Variants in GLG1 observed in about 807,000 individuals in gnomAD.
The protein encoded by GLG1 is Golgi apparatus protein 1.
A neutral mutation model predicts 160.5 loss-of-function variants in GLG1; 38 were observed. The ratio of observed to expected loss-of-function variants is 0.24; its 90% CI spans 0.18 to 0.31. The LOEUF (loss-of-function observed/expected upper bound fraction) is 0.31. Among genes scored for constraint, GLG1 ranks in the 10% least tolerant of loss-of-function variants. GLG1 has a pLI of 1.00. For missense variants in GLG1, 1,373 were observed against 1,505.2 expected, an observed-to-expected ratio of 0.91 and a Z score of 1.45; for synonymous variants, 644 against 543.4, an observed-to-expected ratio of 1.19 and a Z score of -2.57.
At chr16:74,550,878 T>C (rs1262901250) in intron 1 of GLG1, among the ~76,000 whole-genome samples, 3 of 152,206 alleles carry the variant, frequency 2.0e-5, no homozygotes, top group Admixed American at 2.0e-4. Context: ...TGAGAGGCAG[T>C]ATCAGTGGGA....
At chr16:74,493,345 C>A (rs547761465) in intron 6 of GLG1, among the ~76,000 whole-genome samples, 1 of 152,246 alleles carries the variant, frequency 6.6e-6, no homozygotes, top group East Asian at 1.9e-4. Context: ...GGGTGGGGAA[C>A]CTAGAAATTC....
intron 1 of GLG1, among the ~76,000 whole-genome samples, chr16:74,586,155 G>A (rs1252129926): frequency 6.6e-6 from 1 of 151,572 alleles, no homozygotes; most frequent in African/African-American, 2.4e-5. Flanking sequence ...GAGCTGATAA[G>A]GAAAAAAACA....
intron 1 of GLG1, among the ~76,000 whole-genome samples, chr16:74,603,123 C>A (rs1165034484): frequency 6.6e-6 from 1 of 151,834 alleles, no homozygotes; most frequent in Non-Finnish European, 1.5e-5. Flanking sequence ...GCAGCAGCAG[C>A]AGCAGCAGCC....
At chr16:74,592,631 T>G (rs1958211699) in intron 1 of GLG1, among the ~76,000 whole-genome samples, 1 of 152,196 alleles carries the variant, frequency 6.6e-6, no homozygotes, top group Non-Finnish European at 1.5e-5. Flanking sequence ...ACTGGAGGTC[T>G]GAGAGATTAA....
In GLG1 at chr16:74,503,573, G is replaced by A. The variant is rs1243942619; in HGVS notation, c.732C>T (p.Asp244=). 1.9e-6 allele frequency: 3 copies of A among 1,613,644 alleles called. No individual in the cohort carries two copies. The highest frequency in any genetic ancestry group is 2.5e-6 in the Non-Finnish European group (3 of 1,179,624). The change falls in exon 4 of 26, where the codon GAC becomes GAT. Residue 244 remains aspartate, a synonymous_variant. Coordinates refer to ENST00000422840, the MANE Select transcript of GLG1 (RefSeq NM_001145667.2). ...TACTGCCACATTTCAGAATGTTGAT[G>A]TCATTTTTGCAGTCATCCATGAAGC... The part of the protein sequence containing the change: ...ICGFMDDCKN[D]INILKCGSIR...
At chr16:74,530,910 T>C (rs2017511752) in intron 2 of GLG1, among the ~76,000 whole-genome samples, 1 of 152,226 alleles carries the variant, frequency 6.6e-6, no homozygotes, top group African/African-American at 2.4e-5. Context: ...ATTGGACACC[T>C]TTTTCTTTTC....
At chr16:74,517,295 C>T (rs2017008100) in intron 2 of GLG1, among the ~76,000 whole-genome samples, 1 of 152,182 alleles carries the variant, frequency 6.6e-6, no homozygotes, top group Admixed American at 6.5e-5. Flanking sequence ...AGCTGAAAAT[C>T]CTCAATAAAA....
chr16:74,467,794 T>C lies in GLG1; in HGVS notation c.2491A>G (p.Lys831Glu), dbSNP rs1310333990. The change falls in exon 18 of 26, where the codon AAA becomes GAA. Residue 831 changes from lysine (K) to glutamate (E), a missense_variant. Coordinates refer to ENST00000422840, the MANE Select transcript of GLG1 (RefSeq NM_001145667.2). The stretch of plus-strand genomic sequence containing the variant: ...TATTGCACAGCGGAACAGAAGTTTT[T>C]GATGTCACTCTTGCAGGCTTCGTAT... ...DLYEACKSDIKNFCSAVQYGN... is the reference protein window; with the variant it reads ...DLYEACKSDIENFCSAVQYGN... 2 of 1,613,754 alleles carry C rather than the reference T, an allele frequency of 1.2e-6. No homozygotes were observed. The highest frequency in any genetic ancestry group is 1.7e-6 in the Non-Finnish European group (2 of 1,179,648).
At chr16:74,488,315 G>A (rs2015864538) in intron 8 of GLG1, among the ~76,000 whole-genome samples, 1 of 152,122 alleles carries the variant, frequency 6.6e-6, no homozygotes, top group Admixed American at 6.5e-5. Flanking sequence ...GCCAAAACGG[G>A]CAGACTGCTT....
chr16:74,508,771 A>C (rs2143489581), intron 3 of GLG1, 68 bp downstream of exon 3: 1 of 736,302 alleles, frequency 1.4e-6, no homozygotes, highest in East Asian at 2.5e-5. Context: ...CATTCTTCTC[A>C]TAAGGGCTGG....
rs1063512 is a variant in GLG1 at position 74,491,073 on chromosome 16, C to A, written c.1377G>T (p.Gly459=). Residue 459 remains glycine (G), a synonymous_variant, in exon 8 of 26, where the codon GGG becomes GGT. Coordinates refer to ENST00000422840, the MANE Select transcript of GLG1 (RefSeq NM_001145667.2). ...EHHCSGLHRK[G]RTLHCLMKVV... ...CTTTCATCAGACAGTGTAGGGTCCGCCCTTTTCGATGTAATCCGGAACAAT... is the reference window on the plus strand; with the variant it reads ...CTTTCATCAGACAGTGTAGGGTCCGACCTTTTCGATGTAATCCGGAACAAT... 4 of 1,614,040 alleles carry A rather than the reference C, an allele frequency of 2.5e-6. No individual in the cohort carries two copies. Among genetic ancestry groups the A allele is most frequent in the Non-Finnish European group, 3.4e-6 (4 of 1,180,014 alleles).
At chr16:74,486,960 C>A (rs934499958) in intron 8 of GLG1, among the ~76,000 whole-genome samples, 1 of 149,498 alleles carries the variant, frequency 6.7e-6, no homozygotes, top group South Asian at 2.1e-4. Flanking sequence ...GTCACCCAGG[C>A]TGGAGTGCAG....
At position 74,606,699 on chromosome 16, in the gene GLG1, G is replaced by A; in HGVS notation, c.396C>T (p.Ser132=). The A allele has an allele frequency of 6.2e-7, 1 of 1,603,522 alleles. No individual in the cohort carries two copies. The highest frequency in any genetic ancestry group is 2.2e-5 in the East Asian group (1 of 44,484). The change falls in exon 1 of 26, where the codon AGC becomes AGT. Residue 132 remains serine, a synonymous_variant. Transcript: ENST00000422840. ...VTRVCPKHTW[S]NNLAVLECLQ... ...GGCACTCGAGCACCGCCAGGTTGTT[G>A]CTCCAGGTGTGCTTAGGGCACACGC...
rs1240570073 is a variant in GLG1, at chr16:74,463,499, T to C, written c.2668-20A>G. 8.1e-6 allele frequency: 13 copies of C among 1,612,326 alleles called. No homozygotes were observed. Among genetic ancestry groups the C allele is most frequent in the Non-Finnish European group, 1.1e-5 (13 of 1,179,204 alleles). Reference sequence around the variant, plus strand: ...GAACCTCTGCAAAGAAACAGTTTGATAAAAACAGCTATCTAAACATGGCGA... The same window carrying C: ...GAACCTCTGCAAAGAAACAGTTTGACAAAAACAGCTATCTAAACATGGCGA... On this transcript the variant is annotated intron_variant, in intron 19 of 25. Coordinates refer to ENST00000422840, the MANE Select transcript of GLG1 (RefSeq NM_001145667.2).
intron 13 of GLG1, 45 bp downstream of exon 13, chr16:74,474,501 G>T (rs749274804): frequency 2.2e-6 from 2 of 899,374 alleles, no homozygotes; most frequent in Non-Finnish European, 3.8e-6. Flanking sequence ...AGGCCAGGAT[G>T]CTGGCAGCCA....
chr16:74,501,852 C>T (rs1031492223), intron 4 of GLG1, among the ~76,000 whole-genome samples: 16 of 152,170 alleles, frequency 1.1e-4, no homozygotes, highest in African/African-American at 2.2e-4. Flanking sequence ...GAAAACACTG[C>T]GTTCTTTATT....
intron 1 of GLG1, among the ~76,000 whole-genome samples, chr16:74,559,722 A>T (rs2018455860): frequency 1.3e-5 from 2 of 151,416 alleles, no homozygotes; most frequent in East Asian, 2.0e-4. Context: ...TCTTCGTATC[A>T]TGTCTCTATT....
intron 1 of GLG1, among the ~76,000 whole-genome samples, chr16:74,542,928 T>C (rs1160556182): frequency 6.6e-6 from 1 of 152,216 alleles, no homozygotes; most frequent in Non-Finnish European, 1.5e-5. Flanking sequence ...TTGTTACTTC[T>C]ATAATTTTGA....
intron 2 of GLG1, among the ~76,000 whole-genome samples, chr16:74,514,785 T>C (rs1371341180): frequency 1.3e-5 from 2 of 152,114 alleles, no homozygotes; most frequent in Non-Finnish European, 2.9e-5. Flanking sequence ...AATTCACACA[T>C]AACAATATTA....
Sources: allele counts gnomAD v4.1 joint callset (sites outside exome capture counted in the v4.1 genomes callset), GRCh38; gene constraint gnomAD v4.1.1; transcripts MANE v1.5; gene names NCBI Gene and HGNC (gene_info 2026-07-23, HGNC 2026-07-21).